Variants in COBL observed in about 807,000 individuals in gnomAD.
The protein encoded by COBL is protein cordon-bleu.
In COBL, 51 loss-of-function variants were observed where a neutral mutation model predicts 98.8. The ratio of observed to expected loss-of-function variants is 0.52; its 90% CI spans 0.41 to 0.65. COBL has a LOEUF of 0.65. Ranked by LOEUF, COBL falls within the 30% of genes least tolerant of loss-of-function variation. The pLI is 0.00. For missense variants in COBL, 1,617 were observed against 1,617.5 expected, an observed-to-expected ratio of 1.00 and a Z score of 0.01; for synonymous variants, 634 against 651.7, an observed-to-expected ratio of 0.97 and a Z score of 0.41.
intron 6 of COBL, among the ~76,000 whole-genome samples, chr7:51,090,281 G>A (rs1406793865): frequency 6.6e-6 from 1 of 152,174 alleles, no homozygotes; most frequent in Non-Finnish European, 1.5e-5. Flanking sequence ...AAGCTTTTAT[G>A]AGAACTCCAG....
intron 7 of COBL, among the ~76,000 whole-genome samples, chr7:51,055,626 G>T (rs1239507879): frequency 6.6e-6 from 1 of 152,206 alleles, no homozygotes; most frequent in Admixed American, 6.5e-5. Flanking sequence ...GATTCAGTGG[G>T]GCTGGGGTGG....
At chr7:51,156,834 C>G (rs1056643355) in intron 5 of COBL, among the ~76,000 whole-genome samples, 3 of 152,132 alleles carry the variant, frequency 2.0e-5, no homozygotes, top group African/African-American at 7.2e-5. Flanking sequence ...CTTCCTCTCC[C>G]CCTTAAACTG....
rs549687518 is a variant in COBL, at chr7:51,076,829, A to G, written c.1096+8337T>C. Reference sequence around the variant, plus strand: ...AGATTTATTTGCTTAAGCCTGGTGTAGAAAAATGTGTAAGAAAATGACAGT... The same window carrying G: ...AGATTTATTTGCTTAAGCCTGGTGTGGAAAAATGTGTAAGAAAATGACAGT... On this transcript the variant is annotated intron_variant, in intron 7 of 12. Transcript: ENST00000265136. 3.3e-5 allele frequency among the ~76,000 whole-genome samples: 5 copies of G among 152,334 alleles called. No individual in the cohort carries two copies. In the East Asian group the frequency reaches 9.6e-4, roughly 29 times the overall value.
rs553714180 is a variant in COBL, at chr7:51,252,595, C to T, written c.42-32651G>A. On this transcript the variant is annotated intron_variant, in intron 1 of 12. Transcript: ENST00000265136. Reference sequence around the variant, plus strand: ...TGAAAAAGACTCTCAATTTGTTCAACTGTTTCTTCATAATTCAGATTAAAA... The same window carrying T: ...TGAAAAAGACTCTCAATTTGTTCAATTGTTTCTTCATAATTCAGATTAAAA... Among the ~76,000 whole-genome samples, 10 of 152,296 alleles carry T rather than the reference C, an allele frequency of 6.6e-5. No individual in the cohort carries two copies. In the East Asian group the frequency reaches 1.9e-3, roughly 29 times the overall value.
intron 6 of COBL, among the ~76,000 whole-genome samples, chr7:51,105,428 C>T (rs1796171187): frequency 6.6e-6 from 1 of 152,272 alleles, no homozygotes; most frequent in East Asian, 1.9e-4. Context: ...ATAATGATAG[C>T]ATGCCTACTG....
intron 5 of COBL, among the ~76,000 whole-genome samples, chr7:51,151,990 T>C (rs1004267550): frequency 1.3e-5 from 2 of 152,234 alleles, no homozygotes; most frequent in Non-Finnish European, 2.9e-5. Context: ...TTTGGCTTAA[T>C]AGCCATTTCC....
At chr7:51,187,650 T>G (rs1265866199) in intron 4 of COBL, among the ~76,000 whole-genome samples, 1 of 152,188 alleles carries the variant, frequency 6.6e-6, no homozygotes, top group Non-Finnish European at 1.5e-5. Context: ...GAATTTGTTT[T>G]CTGTAACAGC....
chr7:51,272,911 CT>C (rs369132133), intron 1 of COBL, among the ~76,000 whole-genome samples: 2 of 152,196 alleles, frequency 1.3e-5, no homozygotes, highest in South Asian at 2.1e-4. Flanking sequence ...ATTTCTCCCC[CT>C]CTCTATGTCT....
At chr7:51,315,258 GCAAAAAAAAAAAA>G (rs2129225264) in intron 1 of COBL, among the ~76,000 whole-genome samples, 1 of 87,808 alleles carries the variant, frequency 1.1e-5, no homozygotes, top group South Asian at 4.1e-4. Flanking sequence ...TAAGTGCACT[GCAAAAAAAAAAAA>G]AGAGAGAGAG....
intron 5 of COBL, among the ~76,000 whole-genome samples, chr7:51,171,512 C>G (rs966901104): frequency 6.6e-6 from 1 of 152,130 alleles, no homozygotes; most frequent in African/African-American, 2.4e-5. Context: ...CTTTTCTTAT[C>G]AGTAAATCAC....
At chr7:51,089,777 T>C (rs1794641552) in intron 6 of COBL, among the ~76,000 whole-genome samples, 1 of 152,116 alleles carries the variant, frequency 6.6e-6, no homozygotes, top group East Asian at 1.9e-4. Context: ...AGTGAAATAA[T>C]CACAAGCAAG....
chr7:51,224,936 G>A (rs561108326), intron 1 of COBL, among the ~76,000 whole-genome samples: 4 of 150,140 alleles, frequency 2.7e-5, no homozygotes, highest in Non-Finnish European at 4.4e-5. Flanking sequence ...GCGTGTGGGC[G>A]GCCCGTGCAT....
chr7:51,302,102 G>A (rs1802025908), intron 1 of COBL, among the ~76,000 whole-genome samples: 1 of 152,154 alleles, frequency 6.6e-6, no homozygotes, highest in Non-Finnish European at 1.5e-5. Flanking sequence ...CCTAGGAGGT[G>A]CTTACAAACT....
chr7:51,043,380 C>T lies in COBL; in HGVS notation c.1406+3G>A, dbSNP rs375933697. Reference sequence around the variant, plus strand: ...GTACCCACCCATCCTTCCCGTGACTCACCTCAGATGTGAGTTCTCAGAGCC... The same window carrying T: ...GTACCCACCCATCCTTCCCGTGACTTACCTCAGATGTGAGTTCTCAGAGCC... On this transcript the variant is annotated splice_donor_region_variant and intron_variant, in intron 8 of 12. Coordinates refer to ENST00000265136, the MANE Select transcript of COBL (RefSeq NM_015198.5). The T allele has an allele frequency of 9.9e-6, 16 of 1,612,904 alleles. No individual in the cohort carries two copies. The highest frequency in any genetic ancestry group is 6.7e-5 in the African/African-American group (5 of 74,866).
In COBL at chr7:51,028,083, C is replaced by G; in HGVS notation, c.3013G>C (p.Glu1005Gln). The change falls in exon 10 of 13, where the codon GAG becomes CAG. Residue 1005 changes from glutamate (E) to glutamine (Q), a missense_variant. By Grantham distance (29) the Glu-to-Gln change is conservative. Coordinates refer to ENST00000265136, the MANE Select transcript of COBL (RefSeq NM_015198.5). Reference protein sequence around the residue: ...FSGKQSTSSQEASSASEPRRA... With the variant: ...FSGKQSTSSQQASSASEPRRA... ...CTGGGCTCAGATGCTGAGCTGGCCT[C>G]CTGGCTACTTGTGCTTTGCTTTCCA... 1 of 1,613,932 alleles carries G rather than the reference C, an allele frequency of 6.2e-7. No homozygotes were observed. The highest frequency in any genetic ancestry group is 8.5e-7 in the Non-Finnish European group (1 of 1,179,894).
At chr7:51,246,953 GC>G (rs955741830) in intron 1 of COBL, among the ~76,000 whole-genome samples, 2 of 152,188 alleles carry the variant, frequency 1.3e-5, no homozygotes, top group African/African-American at 4.8e-5. Flanking sequence ...AAACATTAGA[GC>G]CCAGCACGCC....
intron 1 of COBL, among the ~76,000 whole-genome samples, chr7:51,279,740 C>T (rs917231130): frequency 1.3e-5 from 2 of 152,188 alleles, no homozygotes; most frequent in Non-Finnish European, 2.9e-5. Flanking sequence ...TAGTATCATA[C>T]AGAGTATTTT....
chr7:51,259,847 G>A (rs1563098350), intron 1 of COBL: 15 of 755,860 alleles, frequency 2.0e-5, no homozygotes, highest in Non-Finnish European at 3.4e-5. Flanking sequence ...GCGAAGTCTT[G>A]CCATGGTTCT....
intron 1 of COBL, among the ~76,000 whole-genome samples, chr7:51,247,800 G>C (rs1796383912): frequency 6.6e-6 from 1 of 152,116 alleles, no homozygotes; most frequent in South Asian, 2.1e-4. Flanking sequence ...GACGCCAAAG[G>C]GTTATTCTAC....
Sources: gnomAD v4.1 joint callset for allele counts (sites outside exome capture counted in the v4.1 genomes callset) on GRCh38, gnomAD v4.1.1 for gene constraint, MANE v1.5 for transcripts, NCBI Gene and HGNC (gene_info 2026-07-23, HGNC 2026-07-21) for gene names.